Variants in TYMS observed in about 807,000 individuals in gnomAD.
The protein encoded by TYMS is thymidylate synthetase.
Under a neutral mutation model 39.3 loss-of-function variants are expected in TYMS, and 21 were observed. The observed-to-expected ratio is 0.54, with a 90% CI of 0.38 to 0.77. The LOEUF (loss-of-function observed/expected upper bound fraction) is 0.77, where lower values mean the gene tolerates loss of function less well. Among genes scored for constraint, TYMS ranks in the 30% least tolerant of loss-of-function variants. TYMS has a pLI of 0.00. For missense variants in TYMS, 273 were observed against 406.7 expected, an observed-to-expected ratio of 0.67 and a Z score of 2.83; for synonymous variants, 171 against 162.2, an observed-to-expected ratio of 1.05 and a Z score of -0.41.
Position 666,932 on chromosome 18 carries a change from GTGATGGA to G in TYMS, c.455-2139_455-2133del, listed in dbSNP as rs1567989506. Among the ~76,000 whole-genome samples the G allele has an allele frequency of 5.9e-4, 35 of 59,570 alleles. 4 individuals carry two copies. Among genetic ancestry groups the G allele is most frequent in the South Asian group, 3.4e-3 (5 of 1,466 alleles). The allele number at this position is 59,570 out of a possible 152,430, so 39.1% of individuals were successfully genotyped here. ...GGTGATGGTGATGGAGATGGTGATG[GTGATGGA>G]GATGGTGATGGTGATGGAGATGGAG... On this transcript the variant is annotated intron_variant, in intron 3 of 6. Transcript: ENST00000323274.
At chr18:670,508 A>G in intron 4 of TYMS, 184 bp from the exon 5 acceptor site, 1 of 608,868 alleles carries the variant, frequency 1.6e-6, no homozygotes. Flanking sequence ...GCACCGATGG[A>G]TAGTCTCCCT....
Position 658,073 on chromosome 18 carries a change from G to T in TYMS, c.205+126G>T, listed in dbSNP as rs1001773794. On this transcript the variant is annotated intron_variant, in intron 1 of 6. Coordinates refer to ENST00000323274, the MANE Select transcript of TYMS (RefSeq NM_001071.4). This position sits in a 1 kb window ranked among gnomAD's most constrained non-coding sequence, Gnocchi z 4.5. ...CTAACCTCAATCCTGCGAGGGAGGG[G>T]ACGCATCGTCCTCCTCGCCTTACAG... 6.3e-7 allele frequency: 1 copy of T among 1,575,052 alleles called. No homozygotes were observed. Among genetic ancestry groups the T allele is most frequent in the Non-Finnish European group, 8.6e-7 (1 of 1,163,630 alleles).
chr18:671,464 T>G lies in TYMS; in HGVS notation c.804+13T>G. On this transcript the variant is annotated intron_variant, in intron 6 of 6. Coordinates refer to ENST00000323274, the MANE Select transcript of TYMS (RefSeq NM_001071.4). Reference sequence around the variant, plus strand: ...ACTGAAAATTCAGGTAAGAATTAGATGTTATACTTTTGGGTTTGGTACCTT... The same window carrying G: ...ACTGAAAATTCAGGTAAGAATTAGAGGTTATACTTTTGGGTTTGGTACCTT... The G allele has an allele frequency of 6.3e-7, 1 of 1,586,830 alleles. No individual in the cohort carries two copies. The highest frequency in any genetic ancestry group is 1.1e-5 in the South Asian group (1 of 90,148).
At chr18:668,159 G>C (rs928582581) in intron 3 of TYMS, among the ~76,000 whole-genome samples, 6 of 151,898 alleles carry the variant, frequency 4.0e-5, no homozygotes. Flanking sequence ...GTGTGTATTT[G>C]CAATTTTAGC....
chr18:664,330 G>A (rs1441429785), intron 3 of TYMS, among the ~76,000 whole-genome samples: 1 of 150,060 alleles, frequency 6.7e-6, no homozygotes, highest in African/African-American at 2.5e-5. Flanking sequence ...TCTGTTATTG[G>A]TGTATAAGAA....
chr18:658,270 GGA>G lies in TYMS; in HGVS notation c.205+325_205+326del. The G allele has an allele frequency of 6.9e-7, 1 of 1,442,292 alleles. No homozygotes were observed. Among genetic ancestry groups the G allele is most frequent in the Non-Finnish European group, 9.3e-7 (1 of 1,077,418 alleles). The allele number at this position is 1,442,292 out of a possible 1,614,324, so 89.3% of individuals were successfully genotyped here. A position where few individuals can be genotyped will look rare whatever the true frequency, so the allele number is the denominator to read the frequency against. On this transcript the variant is annotated intron_variant, in intron 1 of 6. Coordinates refer to ENST00000323274, the MANE Select transcript of TYMS (RefSeq NM_001071.4). This position sits in a 1 kb window ranked among gnomAD's most constrained non-coding sequence, Gnocchi z 4.5. ...CATCGGGCAGCGTTTGCCCAGTGCT[GGA>G]GGGTTAGGGAGAGCTGCCTGGGCTT...
intron 3 of TYMS, among the ~76,000 whole-genome samples, chr18:668,104 C>A (rs1032699621): frequency 2.0e-5 from 3 of 149,434 alleles, no homozygotes; most frequent in African/African-American, 7.4e-5. Context: ...TTGGTGCATT[C>A]CTCAGAGTTG....
intron 3 of TYMS, among the ~76,000 whole-genome samples, chr18:662,551 A>G (rs1037029194): frequency 1.4e-5 from 2 of 145,942 alleles, no homozygotes; most frequent in African/African-American, 2.6e-5. Flanking sequence ...TTTAGGGTAC[A>G]TGTGCACAAT....
chr18:664,796 A>C (rs976458724), intron 3 of TYMS, among the ~76,000 whole-genome samples: 97 of 148,350 alleles, frequency 6.5e-4, no homozygotes, highest in African/African-American at 2.2e-3. Context: ...TTGTCTTTGG[A>C]TCTGTTTATA....
Position 660,412 on chromosome 18 carries a change from C to T in TYMS, c.279+698C>T, listed in dbSNP as rs2074745298. On this transcript the variant is annotated intron_variant, in intron 2 of 6. Transcript: ENST00000323274. This position sits in a 1 kb window ranked among gnomAD's most constrained non-coding sequence, Gnocchi z 4.6. ...ACGAACATCACCATCTGATGTATGT[C>T]AGCCTTTCCCTTCCCCTGTTAGAAG... Among the ~76,000 whole-genome samples the T allele has an allele frequency of 6.6e-6, 1 of 151,820 alleles. No homozygotes were observed. Among genetic ancestry groups the T allele is most frequent in the South Asian group, 2.1e-4 (1 of 4,816 alleles).
exon 7 of TYMS, chr18:673,573 AGTAAAC>A (rs1364431195): frequency 5.0e-5 from 9 of 181,690 alleles, no homozygotes; most frequent in Admixed American, 1.9e-4. Context: ...ACTCTCCTTA[AGTAAAC>A]ATGTGCTGTA....
Position 657,725 on chromosome 18 carries a change from T to TC in TYMS, c.-13dup. The TC allele has an allele frequency of 7.5e-7, 1 of 1,329,616 alleles. No individual in the cohort carries two copies. Among genetic ancestry groups the TC allele is most frequent in the South Asian group, 2.1e-5 (1 of 47,458 alleles). The allele number at this position is 1,329,616 out of a possible 1,614,324, so 82.4% of individuals were successfully genotyped here. On this transcript the variant is annotated 5_prime_UTR_variant, in exon 1 of 7. Coordinates refer to ENST00000323274, the MANE Select transcript of TYMS (RefSeq NM_001071.4). ...CGCCGCGCCACTTCGCCTGCCTCCG[T>TC]CCCCCGCCCGCCGCGCCATGCCTGT...
At chr18:672,791 A>G (rs1220918699) in intron 6 of TYMS, 69 bp from the exon 7 acceptor site, 3 of 1,481,386 alleles carry the variant, frequency 2.0e-6, no homozygotes, top group Non-Finnish European at 2.7e-6. Flanking sequence ...TACTTGTTTC[A>G]CGGACATGAG....
chr18:659,801 TGTG>T, intron 2 of TYMS, 87 bp downstream of exon 2: 17 of 1,209,386 alleles, frequency 1.4e-5, no homozygotes, highest in Admixed American at 1.7e-5. Flanking sequence ...AGCAGCCAGG[TGTG>T]GTGGCTCACG....
Position 670,858 on chromosome 18 carries a change from G to A in TYMS, c.723G>A (p.Thr241=), listed in dbSNP as rs371907652. 3.3e-5 allele frequency: 53 copies of A among 1,613,856 alleles called. No homozygotes were observed. The highest frequency in any genetic ancestry group is 1.8e-4 in the East Asian group (8 of 44,890). Residue 241 remains threonine (T), a synonymous_variant, in exon 5 of 7, where the codon ACG becomes ACA. Transcript: ENST00000323274. ...TCACGTACATGATTGCGCACATCAC[G>A]GGCCTGAAGGTGGGCTGTCTCGGGA... ...ALLTYMIAHI[T]GLKPGDFIHT... is the part of the protein sequence containing the mutation.
At chr18:670,084 C>T (rs1381580924) in intron 4 of TYMS, among the ~76,000 whole-genome samples, 1 of 148,926 alleles carries the variant, frequency 6.7e-6, no homozygotes, top group Non-Finnish European at 1.5e-5. Context: ...CACCCTGTTG[C>T]CCAGGCTGGA....
At chr18:670,541 A>G (rs2847609) in intron 4 of TYMS, 151 bp from the exon 5 acceptor site, 265,753 of 739,140 alleles carry the variant, frequency 0.36, 51,903 homozygotes, top group East Asian at 0.66. Context: ...ATCGCTGCAG[A>G]GGCTGTTATG....
intron 6 of TYMS, 172 bp from the exon 7 acceptor site, chr18:672,688 C>CT: frequency 1.7e-6 from 1 of 588,512 alleles, no homozygotes; most frequent in Non-Finnish European, 2.8e-6. Flanking sequence ...AAGAGAACAG[C>CT]TGGTTGCGCT....
chr18:658,246 A>G lies in TYMS; in HGVS notation c.205+299A>G. The G allele has an allele frequency of 6.8e-7, 1 of 1,481,384 alleles. No individual in the cohort carries two copies. Among genetic ancestry groups the G allele is most frequent in the South Asian group, 1.2e-5 (1 of 82,990 alleles). The allele number at this position is 1,481,384 out of a possible 1,614,324, so 91.8% of individuals were successfully genotyped here. A position where few individuals can be genotyped will look rare whatever the true frequency, so the allele number is the denominator to read the frequency against. On this transcript the variant is annotated intron_variant, in intron 1 of 6. Coordinates refer to ENST00000323274, the MANE Select transcript of TYMS (RefSeq NM_001071.4). This position sits in a 1 kb window ranked among gnomAD's most constrained non-coding sequence, Gnocchi z 4.5. The stretch of plus-strand genomic sequence containing the variant: ...TGCCGTGGCCCCCGAGGCGGGCGTC[A>G]TCGGGCAGCGTTTGCCCAGTGCTGG...
Sources: gnomAD v4.1 joint callset for allele counts (sites outside exome capture counted in the v4.1 genomes callset) on GRCh38, gnomAD v4.1.1 for gene constraint, Gnocchi (gnomAD v3.1) non-coding constraint, MANE v1.5 for transcripts, NCBI Gene and HGNC (gene_info 2026-07-23, HGNC 2026-07-21) for gene names.